FANCB: variants seen among roughly 807,000 people sequenced by gnomAD.
FANCB encodes Fanconi anemia group B protein.
Under a neutral mutation model 38.9 loss-of-function variants are expected in FANCB, and 5 were observed. The ratio of observed to expected loss-of-function variants is 0.13; its 90% CI spans 0.07 to 0.27. The LOEUF is 0.27. Among genes scored for constraint, FANCB ranks in the 10% least tolerant of loss-of-function variants. The pLI is 1.00. For synonymous variants in FANCB, 236 were observed against 215.4 expected (o/e 1.10, Z -0.84); for missense variants, 573 against 602.7 (o/e 0.95, Z 0.52).
the FANCB span, among the ~76,000 whole-genome samples, chrX:14,748,821 G>A: frequency 2.7e-5 from 3 of 112,189 alleles, no homozygotes; most frequent in African/African-American, 9.7e-5. Flanking sequence ...GAAGAGCTAA[G>A]TGACTTGCCC....
the FANCB span, among the ~76,000 whole-genome samples, chrX:14,697,054 AT>A: frequency 9.2e-6 from 1 of 108,441 alleles, no homozygotes; most frequent in Non-Finnish European, 1.9e-5. Flanking sequence ...GAAAGGCAGC[AT>A]TTTTCAGCTT....
chrX:14,844,186 A>C (rs761783161), intron 9 of FANCB, among the ~76,000 whole-genome samples: 4 of 110,262 alleles, frequency 3.6e-5, no homozygotes, highest in South Asian at 3.8e-4. Context: ...TATTAATCAG[A>C]TTGTTTCCAA....
At chrX:14,743,398 G>A in the FANCB span, among the ~76,000 whole-genome samples, 1 of 111,141 alleles carries the variant, frequency 9.0e-6, no homozygotes, top group African/African-American at 3.3e-5. Context: ...GCTCATAAAT[G>A]TCACAGCCAA....
At chrX:14,702,451 T>A in the FANCB span, among the ~76,000 whole-genome samples, 1 of 112,240 alleles carries the variant, frequency 8.9e-6, no homozygotes, top group African/African-American at 3.2e-5. Flanking sequence ...ACTATTTTGG[T>A]TTGCCTTTTT....
chrX:14,700,338 G>A, the FANCB span, among the ~76,000 whole-genome samples: 5 of 110,761 alleles, frequency 4.5e-5, no homozygotes, highest in African/African-American at 1.6e-4. Flanking sequence ...AGCAGGAAGA[G>A]GGAATGGAAG....
chrX:14,798,746 T>A, the FANCB span, among the ~76,000 whole-genome samples: 2 of 111,304 alleles, frequency 1.8e-5, no homozygotes, highest in Non-Finnish European at 3.8e-5. Flanking sequence ...ACGGTTAGGG[T>A]TTTCTTGTCA....
the FANCB span, among the ~76,000 whole-genome samples, chrX:14,733,505 T>C: frequency 1.8e-5 from 2 of 112,240 alleles, no homozygotes; most frequent in Middle Eastern, 4.2e-3. Flanking sequence ...TCAATGAGCA[T>C]GGAATGTTTT....
At position 14,843,589 on chromosome X, in the gene FANCB, G is replaced by A; in HGVS notation, c.2558C>T (p.Ala853Val). ...AEVQLKSDFA[A>V]QKLSNL ...TAATTATAAATTACTCAGTTTCTGT[G>A]CAGCAAAGTCTGATTTCAACTGAAC... Residue 853 changes from alanine to valine, a missense_variant, in exon 10 of 10, where the codon GCA becomes GTA. Physicochemically the swap from Ala to Val is moderately conservative, Grantham distance 64 (BLOSUM62 0). Transcript: ENST00000650831. 1 of 1,189,208 alleles carries A rather than the reference G, an allele frequency of 8.4e-7. No individual in the cohort carries two copies. Among genetic ancestry groups the A allele is most frequent in the Non-Finnish European group, 1.1e-6 (1 of 878,181 alleles).
At chrX:14,728,858 C>G in the FANCB span, among the ~76,000 whole-genome samples, 3 of 112,406 alleles carry the variant, frequency 2.7e-5, no homozygotes, top group Non-Finnish European at 5.6e-5. Context: ...ATACTATAAT[C>G]TAATCTACCT....
the FANCB span, among the ~76,000 whole-genome samples, chrX:14,811,338 C>G: frequency 3.1e-4 from 34 of 111,206 alleles, no homozygotes; most frequent in Admixed American, 3.0e-3. Context: ...AATGTAAATG[C>G]ACTAAATGCT....
At chrX:14,796,125 A>T in the FANCB span, among the ~76,000 whole-genome samples, 1 of 111,498 alleles carries the variant, frequency 9.0e-6, no homozygotes, top group African/African-American at 3.3e-5. Flanking sequence ...ACCAATTGCC[A>T]CAAAACTTGG....
At chrX:14,833,327 T>C (rs187152095), downstream of FANCB, among the ~76,000 whole-genome samples, 139 of 111,889 alleles carry the variant, frequency 1.2e-3, 1 homozygote, top group Middle Eastern at 9.2e-3. Context: ...TACTTGAATT[T>C]TCCCCAAAAC....
the FANCB span, among the ~76,000 whole-genome samples, chrX:14,799,741 T>C: frequency 8.9e-6 from 1 of 112,102 alleles, no homozygotes; most frequent in East Asian, 2.8e-4. Flanking sequence ...CTAGTAGAAA[T>C]ATAAATGTTA....
At chrX:14,771,471 T>G in the FANCB span, among the ~76,000 whole-genome samples, 1 of 111,787 alleles carries the variant, frequency 8.9e-6, no homozygotes, top group African/African-American at 3.3e-5. Context: ...CCGACATATT[T>G]TTCAGCTCCA....
rs199780249 is a variant in FANCB at position 14,849,275 on chromosome X, AT to A, written c.1496+1229del. 9.8e-4 allele frequency among the ~76,000 whole-genome samples: 110 copies of A among 111,792 alleles called. 2 individuals are homozygous for A. In the East Asian group the frequency reaches 0.024, roughly 25 times the overall value. Reference sequence around the variant, plus strand: ...TGATTTTATAAGACAAAATTGATTAATATAGAGTACCACATTAAAGAAGAGA... The same window carrying A: ...TGATTTTATAAGACAAAATTGATTAAATAGAGTACCACATTAAAGAAGAGA... On this transcript the variant is annotated intron_variant, in intron 7 of 9. Transcript: ENST00000650831.
the FANCB span, among the ~76,000 whole-genome samples, chrX:14,714,533 C>A: frequency 1.8e-5 from 2 of 111,713 alleles, no homozygotes; most frequent in Non-Finnish European, 3.8e-5. Flanking sequence ...TGCCGCCACC[C>A]CAGCCATTTA....
chrX:14,761,920 T>C, the FANCB span, among the ~76,000 whole-genome samples: 1 of 111,459 alleles, frequency 9.0e-6, no homozygotes, highest in East Asian at 2.8e-4. Context: ...AAAAATATAG[T>C]AGAGTAGGGA....
the FANCB span, among the ~76,000 whole-genome samples, chrX:14,816,884 T>G: frequency 1.8e-5 from 2 of 111,852 alleles, no homozygotes; most frequent in Non-Finnish European, 3.8e-5. Flanking sequence ...TTGGGCAAGT[T>G]TCTGAACCAC....
chrX:14,844,161 T>C (rs2092365290), intron 9 of FANCB, among the ~76,000 whole-genome samples, 180 bp from the exon 10 acceptor site: 1 of 110,931 alleles, frequency 9.0e-6, no homozygotes, highest in Non-Finnish European at 1.9e-5. Flanking sequence ...ACATATTCCA[T>C]ATCGAATCAG....
Sources: allele counts gnomAD v4.1 joint callset (sites outside exome capture counted in the v4.1 genomes callset), GRCh38; gene constraint gnomAD v4.1.1; transcripts MANE v1.5; gene names NCBI Gene and HGNC (gene_info 2026-07-23, HGNC 2026-07-21).